Variants in CNGB3 observed in about 807,000 individuals in gnomAD.
The protein encoded by CNGB3 is cyclic nucleotide gated channel subunit beta 3.
Under a neutral mutation model 92.8 loss-of-function variants are expected in CNGB3, and 86 were observed. The ratio of observed to expected loss-of-function variants is 0.93; its 90% confidence interval spans 0.78 to 1.11. The LOEUF is 1.11. Ranked by LOEUF, CNGB3 falls within the 50% of genes least tolerant of loss-of-function variation. The probability of loss-of-function intolerance (pLI) is 0.00; values close to 1 mark genes in which losing one functional copy is unlikely to be tolerated. For missense variants in CNGB3, 1,026 were observed against 956.8 expected (o/e 1.07, Z -0.95); for synonymous variants, 333 against 332.7 (o/e 1.00, Z -0.01).
chr8:86,589,667 C>A (rs531563119), intron 15 of CNGB3, among the ~76,000 whole-genome samples: 7 of 152,090 alleles, frequency 4.6e-5, no homozygotes, highest in Non-Finnish European at 1.0e-4. Context: ...GATTCTTAGT[C>A]CTGAGTTCTA....
At chr8:86,610,055 G>A (rs188946410) in intron 14 of CNGB3, among the ~76,000 whole-genome samples, 3 of 152,040 alleles carry the variant, frequency 2.0e-5, no homozygotes, top group Non-Finnish European at 4.4e-5. Context: ...CTTGTCTCTC[G>A]CATGAAGCCA....
At position 86,628,564 on chromosome 8, in the gene CNGB3, C is replaced by T. The variant is rs551665560; in HGVS notation, c.1480+355G>A. On this transcript the variant is annotated intron_variant, in intron 12 of 17. Coordinates refer to ENST00000320005, the MANE Select transcript of CNGB3 (RefSeq NM_019098.5). The stretch of plus-strand genomic sequence containing the variant: ...AGACTGTGTGCTGGCTCTGTGTCTT[C>T]GCCCAAATTTCTCAGTTAGGAGCCT... 1.3e-4 allele frequency among the ~76,000 whole-genome samples: 20 copies of T among 152,244 alleles called. No homozygotes were observed. The East Asian group carries it at 3.1e-3, about 24-fold the overall frequency.
chr8:86,664,582 T>G (rs986897678), intron 6 of CNGB3, among the ~76,000 whole-genome samples: 16 of 152,184 alleles, frequency 1.1e-4, no homozygotes, highest in Non-Finnish European at 2.2e-4. Flanking sequence ...AACACATTTT[T>G]CTGTTTCTTA....
chr8:86,725,556 G>A (rs73690215), intron 3 of CNGB3, among the ~76,000 whole-genome samples: 2,389 of 152,234 alleles, frequency 0.016, 59 homozygotes, highest in African/African-American at 0.049. Context: ...ATGTGTGTGC[G>A]TGTATGTGGT....
At chr8:86,587,991 G>A (rs1341798194) in intron 15 of CNGB3, among the ~76,000 whole-genome samples, 2 of 148,142 alleles carry the variant, frequency 1.4e-5, no homozygotes, top group African/African-American at 5.0e-5. Flanking sequence ...TCTTCCATTT[G>A]TTTGTATCCT....
chr8:86,654,191 C>A, intron 6 of CNGB3, 129 bp from the exon 7 acceptor site: 1 of 694,448 alleles, frequency 1.4e-6, no homozygotes, highest in Admixed American at 2.3e-5. Flanking sequence ...CCTCCATATT[C>A]CCAGGTATTA....
intron 13 of CNGB3, among the ~76,000 whole-genome samples, chr8:86,625,343 T>A (rs1366710938): frequency 6.6e-6 from 1 of 152,204 alleles, no homozygotes; most frequent in Non-Finnish European, 1.5e-5. Flanking sequence ...GGGAACTTCA[T>A]AAATACTTGT....
chr8:86,597,981 T>TAAATAAAATAAAATAAAATA (rs139846097), intron 15 of CNGB3, among the ~76,000 whole-genome samples: 1 of 111,022 alleles, frequency 9.0e-6, no homozygotes, highest in African/African-American at 4.3e-5. Flanking sequence ...TCATCTCAAA[T>TAAATAAAATAAAATAAAATA]AAATAAAATA....
intron 6 of CNGB3, among the ~76,000 whole-genome samples, chr8:86,663,113 A>C (rs912298181): frequency 6.6e-6 from 1 of 152,202 alleles, no homozygotes; most frequent in African/African-American, 2.4e-5. Flanking sequence ...GGAAACACAG[A>C]GAAGGGAGTG....
intron 1 of CNGB3, among the ~76,000 whole-genome samples, chr8:86,741,993 A>G (rs1386005958): frequency 6.6e-6 from 1 of 152,174 alleles, no homozygotes; most frequent in African/African-American, 2.4e-5. Context: ...CTTGGTTCCA[A>G]TCCAGGCTCT....
intron 9 of CNGB3, 139 bp from the exon 10 acceptor site, chr8:86,644,012 C>T: frequency 1.3e-6 from 1 of 782,320 alleles, no homozygotes; most frequent in East Asian, 3.0e-5. Context: ...TAGTACAGTA[C>T]AAAGTGATGG....
chr8:86,738,219 G>A (rs569085538), intron 2 of CNGB3, among the ~76,000 whole-genome samples: 1 of 151,966 alleles, frequency 6.6e-6, no homozygotes, highest in Non-Finnish European at 1.5e-5. Context: ...ATTTGGTTAG[G>A]GGGTAGTGTT....
rs370195015 is a variant in CNGB3 at position 86,629,088 on chromosome 8, C to G, written c.1321-10G>C. On this transcript the variant is annotated splice_polypyrimidine_tract_variant and intron_variant, in intron 11 of 17. Coordinates refer to ENST00000320005, the MANE Select transcript of CNGB3 (RefSeq NM_019098.5). ...CAATCACATCTCTCATCTAAAACCA[C>G]AAATATGGTCACTCCACGCCCAGCA... 1.2e-6 allele frequency: 2 copies of G among 1,613,786 alleles called. No individual in the cohort carries two copies. The highest frequency in any genetic ancestry group is 1.7e-6 in the Non-Finnish European group (2 of 1,179,864).
chr8:86,638,627 C>T (rs934501957), intron 10 of CNGB3, among the ~76,000 whole-genome samples: 7 of 152,000 alleles, frequency 4.6e-5, no homozygotes, highest in Non-Finnish European at 8.8e-5. Flanking sequence ...TGTTTATGGG[C>T]CTAGTAGCAC....
At chr8:86,707,219 G>T (rs897955399) in intron 3 of CNGB3, among the ~76,000 whole-genome samples, 4 of 152,110 alleles carry the variant, frequency 2.6e-5, no homozygotes, top group East Asian at 3.9e-4. Context: ...TAGGAATTGG[G>T]AATATAGAAA....
intron 11 of CNGB3, among the ~76,000 whole-genome samples, chr8:86,630,874 T>C (rs1258081796): frequency 6.6e-6 from 1 of 152,066 alleles, no homozygotes; most frequent in Non-Finnish European, 1.5e-5. Context: ...CCCTGTCTCT[T>C]AATAAAAAAA....
At chr8:86,694,377 C>T (rs1260693383) in intron 3 of CNGB3, among the ~76,000 whole-genome samples, 26 of 147,404 alleles carry the variant, frequency 1.8e-4, no homozygotes, top group African/African-American at 2.5e-4. Context: ...CCCTCCCGGA[C>T]GGGGTGGCTG....
intron 3 of CNGB3, among the ~76,000 whole-genome samples, chr8:86,702,819 A>G (rs908465177): frequency 1.3e-5 from 2 of 151,836 alleles, no homozygotes; most frequent in Non-Finnish European, 2.9e-5. Flanking sequence ...AGCTTTTAAT[A>G]TATATATTAA....
Position 86,701,147 on chromosome 8 carries a change from A to T in CNGB3, c.338+25384T>A, listed in dbSNP as rs1243830252. Among the ~76,000 whole-genome samples, 6 of 152,276 alleles carry T rather than the reference A, an allele frequency of 3.9e-5. No homozygotes were observed. The South Asian group carries it at 1.0e-3, about 26-fold the overall frequency. ...CCTGTTATTTTCTATTTTAACAGCT[A>T]TGAGCTCATAATTCTTTCAATTAAA... On this transcript the variant is annotated intron_variant, in intron 3 of 17. Transcript: ENST00000320005.
Sources: allele counts gnomAD v4.1 joint callset (sites outside exome capture counted in the v4.1 genomes callset), GRCh38; gene constraint gnomAD v4.1.1; transcripts MANE v1.5; gene names NCBI Gene and HGNC (gene_info 2026-07-23, HGNC 2026-07-21).